The following SETD3 variants were observed in gnomAD, a reference collection of about 807,000 sequenced individuals.
The protein encoded by SETD3 is actin-histidine N-methyltransferase.
A neutral mutation model predicts 63.0 loss-of-function variants in SETD3; 19 were observed. The observed-to-expected ratio is 0.30, with a 90% CI of 0.21 to 0.44. The LOEUF is 0.44. Among genes scored for constraint, SETD3 ranks in the 20% least tolerant of loss-of-function variants. SETD3 has a pLI of 1.00. For missense variants in SETD3, 587 were observed against 728.5 expected, an observed-to-expected ratio of 0.81 and a Z score of 2.24; for synonymous variants, 286 against 264.1, an observed-to-expected ratio of 1.08 and a Z score of -0.80.
chr14:99,404,200 T>A, intron 11 of SETD3, 25 bp downstream of exon 11: 1 of 1,592,182 alleles, frequency 6.3e-7, no homozygotes, highest in Non-Finnish European at 8.6e-7. Flanking sequence ...AAAGTCAACA[T>A]CTCTTTTTTC....
At position 99,398,016 on chromosome 14, in the gene SETD3, T is replaced by A. The variant is rs1399413388; in HGVS notation, c.*663A>T. Reference sequence around the variant, plus strand: ...GAGAAAGGACAAGTTCTTAGTACAGTAAAACAAAACACAAAAGTAAACAAA... The same window carrying A: ...GAGAAAGGACAAGTTCTTAGTACAGAAAAACAAAACACAAAAGTAAACAAA... On this transcript the variant is annotated 3_prime_UTR_variant, in exon 13 of 13. Transcript: ENST00000331768. 1 of 152,552 alleles carries A rather than the reference T, an allele frequency of 6.6e-6. No individual in the cohort carries two copies. 9.4% of individuals were successfully genotyped at this position (152,552 alleles called of 1,614,324 possible).
At chr14:99,415,011 G>A (rs1488662791) in intron 6 of SETD3, among the ~76,000 whole-genome samples, 2 of 152,212 alleles carry the variant, frequency 1.3e-5, no homozygotes, top group African/African-American at 4.8e-5. Flanking sequence ...GGTAAAAGTA[G>A]CTAAAACCGT....
chr14:99,449,390 T>C (rs1301139682), intron 6 of SETD3, among the ~76,000 whole-genome samples: 1 of 152,228 alleles, frequency 6.6e-6, no homozygotes, highest in Non-Finnish European at 1.5e-5. Context: ...CAGTAACTTC[T>C]GATGGAAAAA....
intron 6 of SETD3, chr14:99,444,440 G>C (rs1309632722): frequency 6.6e-6 from 1 of 152,212 alleles, no homozygotes; most frequent in Non-Finnish European, 1.5e-5. Flanking sequence ...GATGGCCATA[G>C]TTAACATTAA....
chr14:99,459,060 T>A, intron 5 of SETD3, 53 bp downstream of exon 5: 15 of 1,369,604 alleles, frequency 1.1e-5, no homozygotes, highest in Non-Finnish European at 1.5e-5. Context: ...AATGGAATTT[T>A]ACATATTTTT....
chr14:99,402,451 C>A (rs1439478621), intron 11 of SETD3, among the ~76,000 whole-genome samples: 1 of 152,224 alleles, frequency 6.6e-6, no homozygotes, highest in East Asian at 1.9e-4. Flanking sequence ...TAGACAGGGT[C>A]TTGCTCTGTT....
At chr14:99,435,770 A>C (rs573650442) in intron 6 of SETD3, among the ~76,000 whole-genome samples, 270 of 148,646 alleles carry the variant, frequency 1.8e-3, no homozygotes, top group African/African-American at 6.2e-3. Flanking sequence ...GTAAGTATGG[A>C]AACTGAGGCT....
chr14:99,458,359 A>C lies in SETD3; in HGVS notation c.595T>G (p.Ser199Ala), dbSNP rs764643292. ...FEEDEVRYLQ[S>A]TQAIHDVFSQ... is the part of the protein sequence containing the mutation. The stretch of plus-strand genomic sequence containing the variant: ...AAGACATCATGTATAGCTTGTGTGG[A>C]CTGAAGATACCGAACTTCATCTTCT... Residue 199 changes from serine to alanine, a missense_variant, in exon 6 of 13, where the codon TCC becomes GCC. By Grantham distance (99) the Ser-to-Ala change is moderately conservative. Transcript: ENST00000331768. The C allele has an allele frequency of 6.2e-7, 1 of 1,614,168 alleles. No homozygotes were observed. Among genetic ancestry groups the C allele is most frequent in the South Asian group, 1.1e-5 (1 of 91,082 alleles).
intron 6 of SETD3, among the ~76,000 whole-genome samples, chr14:99,450,632 A>T (rs1293718324): frequency 6.6e-6 from 1 of 152,216 alleles, no homozygotes; most frequent in African/African-American, 2.4e-5. Flanking sequence ...GAAAAGGGGG[A>T]GGCTGCTGCA....
At chr14:99,468,003 C>G (rs1388152598) in intron 1 of SETD3, among the ~76,000 whole-genome samples, 1 of 152,132 alleles carries the variant, frequency 6.6e-6, no homozygotes, top group Admixed American at 6.5e-5. Context: ...CTTCCTCGCA[C>G]TTTAAGCAGT....
chr14:99,447,849 AAC>A (rs774892775), intron 6 of SETD3, among the ~76,000 whole-genome samples: 4 of 152,216 alleles, frequency 2.6e-5, no homozygotes, highest in Non-Finnish European at 5.9e-5. Context: ...TTTCAATCCC[AAC>A]ACAGAGTAAA....
At chr14:99,455,998 T>C (rs1444046336) in intron 6 of SETD3, among the ~76,000 whole-genome samples, 2 of 152,074 alleles carry the variant, frequency 1.3e-5, no homozygotes, top group Admixed American at 6.6e-5. Flanking sequence ...CTACAAAAAA[T>C]ACGAAAAATT....
At chr14:99,473,209 T>C (rs1192456325) in intron 1 of SETD3, among the ~76,000 whole-genome samples, 1 of 152,236 alleles carries the variant, frequency 6.6e-6, no homozygotes, top group Non-Finnish European at 1.5e-5. Context: ...AATCAAGCGA[T>C]TCTTTTCCAT....
At chr14:99,399,865 C>T (rs897757302) in intron 12 of SETD3, among the ~76,000 whole-genome samples, 3 of 151,216 alleles carry the variant, frequency 2.0e-5, no homozygotes, top group Non-Finnish European at 2.9e-5. Context: ...ATTCTCCTGC[C>T]TCAGCCTCCT....
At chr14:99,417,427 G>A (rs1304023658) in intron 6 of SETD3, among the ~76,000 whole-genome samples, 1 of 152,192 alleles carries the variant, frequency 6.6e-6, no homozygotes, top group Non-Finnish European at 1.5e-5. Context: ...AATTTTTGAT[G>A]TACTATCTTG....
intron 6 of SETD3, among the ~76,000 whole-genome samples, chr14:99,457,562 A>G (rs887324222): frequency 1.3e-5 from 2 of 152,204 alleles, no homozygotes; most frequent in Non-Finnish European, 2.9e-5. Flanking sequence ...TCACCTGCCC[A>G]CTTGTCGTAT....
chr14:99,463,706 A>G, intron 2 of SETD3, 128 bp from the exon 3 acceptor site: 1 of 692,308 alleles, frequency 1.4e-6, no homozygotes. Flanking sequence ...AAAGACAGAC[A>G]TATGACAGCC....
At chr14:99,412,845 AG>A in intron 8 of SETD3, 105 bp downstream of exon 8, 1 of 766,108 alleles carries the variant, frequency 1.3e-6, no homozygotes, top group South Asian at 1.6e-5. Context: ...TTTTGGAGGG[AG>A]GCAACGGGGG....
intron 4 of SETD3, among the ~76,000 whole-genome samples, chr14:99,459,477 T>C (rs1894949955): frequency 6.6e-6 from 1 of 152,190 alleles, no homozygotes; most frequent in South Asian, 2.1e-4. Context: ...AAATATAACA[T>C]TTGGAGTAGA....
Sources: allele counts gnomAD v4.1 joint callset (sites outside exome capture counted in the v4.1 genomes callset), GRCh38; gene constraint gnomAD v4.1.1; transcripts MANE v1.5; gene names NCBI Gene and HGNC (gene_info 2026-07-23, HGNC 2026-07-21).